Variants in STAG1 observed in about 807,000 individuals in gnomAD.
STAG1 encodes the protein STAG1 cohesin complex component.
STAG1 carries 26 observed loss-of-function variants against 170.9 expected under a neutral mutation model. The observed-to-expected ratio is 0.15, with a 90% confidence interval of 0.11 to 0.21. STAG1 has a LOEUF of 0.21. Among genes scored for constraint, STAG1 ranks in the 10% least tolerant of loss-of-function variants. The pLI, the probability that STAG1 is intolerant of heterozygous loss-of-function variation, is 1.00. For synonymous variants in STAG1, 514 were observed against 497.7 expected, an observed-to-expected ratio of 1.03 and a Z score of -0.44; for missense variants, 964 against 1,509.5, an observed-to-expected ratio of 0.64 and a Z score of 5.99.
intron 21 of STAG1, 121 bp downstream of exon 21, chr3:136,417,764 A>C (rs2087815704): frequency 4.2e-6 from 3 of 712,066 alleles, no homozygotes; most frequent in Admixed American, 2.4e-5. Context: ...TAATTCTCTC[A>C]AAAGAGGCAG....
Position 136,516,287 on chromosome 3 carries a change from C to A in STAG1, c.676+4926G>T, listed in dbSNP as rs117791944. On this transcript the variant is annotated intron_variant, in intron 7 of 33. Transcript: ENST00000383202. ...ACTTTTAGAGGCCATGGTATGCAAACTGCTTGAATTCAGGAGTTCAAGGCC... is the reference window on the plus strand; with the variant it reads ...ACTTTTAGAGGCCATGGTATGCAAAATGCTTGAATTCAGGAGTTCAAGGCC... 3.3e-3 allele frequency among the ~76,000 whole-genome samples: 508 copies of A among 152,106 alleles called. 8 individuals are homozygous for A. In the East Asian group the frequency reaches 0.048, roughly 14 times the overall value.
chr3:136,520,035 T>G (rs910615094), intron 7 of STAG1, among the ~76,000 whole-genome samples: 1 of 152,114 alleles, frequency 6.6e-6, no homozygotes, highest in African/African-American at 2.4e-5. Context: ...TAATATGAAT[T>G]AATATGAATT....
intron 3 of STAG1, among the ~76,000 whole-genome samples, chr3:136,605,489 A>G (rs1053008532): frequency 2.0e-5 from 3 of 152,212 alleles, no homozygotes; most frequent in African/African-American, 4.8e-5. Flanking sequence ...TGCTAAATGC[A>G]ATAGACATTT....
chr3:136,449,730 G>T lies in STAG1; in HGVS notation c.1428+2303C>A, dbSNP rs181057813. ...TACTTCTTTAAATAAAAGACAAAAC[G>T]CCTGAAACTAAGTACTCATGCCTTT... On this transcript the variant is annotated intron_variant, in intron 14 of 33. Transcript: ENST00000383202. 4.3e-3 allele frequency among the ~76,000 whole-genome samples: 658 copies of T among 152,060 alleles called. 6 individuals carry two copies. Among genetic ancestry groups the T allele is most frequent in the Non-Finnish European group, 7.3e-3 (494 of 67,986 alleles).
At chr3:136,427,658 T>TAA (rs75850249) in intron 16 of STAG1, among the ~76,000 whole-genome samples, 6 of 132,480 alleles carry the variant, frequency 4.5e-5, no homozygotes, top group South Asian at 2.4e-4. Context: ...AGGACCATTG[T>TAA]AAAAAAAAAA....
At chr3:136,488,523 TATA>T (rs2090060588) in intron 9 of STAG1, among the ~76,000 whole-genome samples, 1 of 152,234 alleles carries the variant, frequency 6.6e-6, no homozygotes, top group Admixed American at 6.5e-5. Context: ...CCCTTAGAAA[TATA>T]ATAATAACCA....
chr3:136,528,836 G>A (rs1935214049), intron 6 of STAG1, among the ~76,000 whole-genome samples: 1 of 151,748 alleles, frequency 6.6e-6, no homozygotes, highest in Non-Finnish European at 1.5e-5. Flanking sequence ...AGGCTGAAGT[G>A]GGAGAATCAC....
At chr3:136,530,503 A>G (rs1284144424) in intron 6 of STAG1, among the ~76,000 whole-genome samples, 1 of 152,192 alleles carries the variant, frequency 6.6e-6, no homozygotes, top group Non-Finnish European at 1.5e-5. Context: ...ACATGGATAG[A>G]CCATATGTTA....
At chr3:136,528,506 A>C (rs80245366) in intron 6 of STAG1, among the ~76,000 whole-genome samples, 3,965 of 40,516 alleles carry the variant, frequency 0.098, 126 homozygotes, top group Middle Eastern at 0.19. Flanking sequence ...CCCCCCCCCC[A>C]AAAAATCACT....
intron 5 of STAG1, among the ~76,000 whole-genome samples, chr3:136,568,098 C>A (rs1023633646): frequency 1.3e-5 from 2 of 151,946 alleles, no homozygotes; most frequent in African/African-American, 4.8e-5. Flanking sequence ...AATAAACAAG[C>A]CTTCAAGAAA....
At chr3:136,527,223 G>A (rs1481910860) in intron 6 of STAG1, among the ~76,000 whole-genome samples, 1 of 152,126 alleles carries the variant, frequency 6.6e-6, no homozygotes, top group African/African-American at 2.4e-5. Flanking sequence ...GTCACTTTCA[G>A]GTACACCAAT....
chr3:136,421,133 T>G lies in STAG1; in HGVS notation c.2068A>C (p.Asn690His). 1 of 1,607,832 alleles carries G rather than the reference T, an allele frequency of 6.2e-7. No individual in the cohort carries two copies. Among genetic ancestry groups the G allele is most frequent in the South Asian group, 1.1e-5 (1 of 89,740 alleles). The change falls in exon 20 of 34, where the codon AAT becomes CAT. Residue 690 changes from asparagine (N) to histidine (H), a missense_variant. Asn to His is a moderately conservative substitution (Grantham distance 68). Coordinates refer to ENST00000383202, the MANE Select transcript of STAG1 (RefSeq NM_005862.3). The stretch of plus-strand genomic sequence containing the variant: ...AACCGCTTTAATGTAGAAAGAACAT[T>G]GTAAATGTCATCATCATCAGCTTCT... ...GEEADDDDIYNVLSTLKRLTS... is the reference protein window; with the variant it reads ...GEEADDDDIYHVLSTLKRLTS...
At chr3:136,658,756 AAGT>A (rs1003723074) in intron 1 of STAG1, among the ~76,000 whole-genome samples, 4 of 152,182 alleles carry the variant, frequency 2.6e-5, no homozygotes, top group African/African-American at 7.2e-5. Flanking sequence ...TAACTGTCAA[AAGT>A]AGTAGTAGGT....
At chr3:136,607,740 T>C (rs975112198) in intron 3 of STAG1, among the ~76,000 whole-genome samples, 1 of 152,236 alleles carries the variant, frequency 6.6e-6, no homozygotes, top group African/African-American at 2.4e-5. Context: ...TCAAATTGTT[T>C]CAGCTTTGGC....
rs1032111450 is a variant in STAG1 at position 136,368,396 on chromosome 3, T to C, written c.2545+712A>G. 2.6e-5 allele frequency among the ~76,000 whole-genome samples: 4 copies of C among 152,192 alleles called. No individual in the cohort carries two copies. The East Asian group carries it at 7.7e-4, about 29-fold the overall frequency. On this transcript the variant is annotated intron_variant, in intron 24 of 33. Transcript: ENST00000383202. ...ATAGCACAATTTTCACTAGTGAGGT[T>C]TGATAACAGTTTTTCAGCATTTAAT...
rs377489743 is a variant in STAG1 at position 136,510,477 on chromosome 3, T to C, written c.677-7698A>G. ...CTAATTTTTGTATTTTTAGTAGAGA[T>C]GAGGCTTTCACCATGTTGGCCAGGC... On this transcript the variant is annotated intron_variant, in intron 7 of 33. Transcript: ENST00000383202. Among the ~76,000 whole-genome samples the C allele has an allele frequency of 7.9e-5, 12 of 151,944 alleles. No individual in the cohort carries two copies. In the South Asian group the frequency reaches 2.5e-3, roughly 32 times the overall value.
intron 1 of STAG1, among the ~76,000 whole-genome samples, chr3:136,656,727 A>G (rs1941389610): frequency 6.6e-6 from 1 of 151,934 alleles, no homozygotes; most frequent in South Asian, 2.1e-4. Context: ...CAAGGCTTTG[A>G]ATGAGTCAAT....
chr3:136,506,409 T>A (rs1471446047), intron 7 of STAG1, among the ~76,000 whole-genome samples: 3 of 147,302 alleles, frequency 2.0e-5, no homozygotes, highest in Non-Finnish European at 1.5e-5. Flanking sequence ...GGCAGGTGGA[T>A]CACTGGAGGT....
At chr3:136,419,387 G>A (rs935375388) in intron 20 of STAG1, among the ~76,000 whole-genome samples, 9 of 151,974 alleles carry the variant, frequency 5.9e-5, no homozygotes, top group Admixed American at 4.6e-4. Context: ...GAGAAGACCG[G>A]CATATCTCAT....
Sources: allele counts gnomAD v4.1 joint callset (sites outside exome capture counted in the v4.1 genomes callset), GRCh38; gene constraint gnomAD v4.1.1; transcripts MANE v1.5; gene names NCBI Gene and HGNC (gene_info 2026-07-23, HGNC 2026-07-21).